The following DENND4C variants were observed in gnomAD, a reference collection of about 807,000 sequenced individuals.
The protein encoded by DENND4C is DENN domain containing 4C.
Under a neutral mutation model 203.0 loss-of-function variants are expected in DENND4C, and 108 were observed. The ratio of observed to expected loss-of-function variants is 0.53; its 90% CI spans 0.46 to 0.62. The LOEUF is 0.62. Ranked by LOEUF, DENND4C falls within the 20% of genes least tolerant of loss-of-function variation. DENND4C has a pLI of 0.00. For missense variants in DENND4C, 2,481 were observed against 2,301.2 expected (o/e 1.08, Z -1.60); for synonymous variants, 871 against 792.4 (o/e 1.10, Z -1.67).
At chr9:19,277,536 TTATTAGTTC>T (rs2130930834) in intron 2 of DENND4C, among the ~76,000 whole-genome samples, 1 of 152,322 alleles carries the variant, frequency 6.6e-6, no homozygotes, top group South Asian at 2.1e-4. Context: ...TTTGCCGAAT[TTATTAGTTC>T]TAATAACTTG....
At chr9:19,292,807 A>G (rs779106205) in intron 5 of DENND4C, among the ~76,000 whole-genome samples, 23 of 152,176 alleles carry the variant, frequency 1.5e-4, no homozygotes, top group Non-Finnish European at 1.0e-4. Context: ...CAGCCTCCCA[A>G]AATGCTGGGA....
chr9:19,280,639 G>A (rs1833861110), intron 2 of DENND4C, among the ~76,000 whole-genome samples: 1 of 151,934 alleles, frequency 6.6e-6, no homozygotes, highest in African/African-American at 2.4e-5. Context: ...TAGTTGAAGG[G>A]AAACCAGCCA....
intron 30 of DENND4C, among the ~76,000 whole-genome samples, chr9:19,362,567 A>G (rs1442433765): frequency 6.6e-6 from 1 of 152,188 alleles, no homozygotes; most frequent in Non-Finnish European, 1.5e-5. Flanking sequence ...ACACACACAC[A>G]AATGAAAAAG....
At chr9:19,309,946 A>G (rs1440837287) in intron 10 of DENND4C, among the ~76,000 whole-genome samples, 2 of 152,158 alleles carry the variant, frequency 1.3e-5, no homozygotes, top group Admixed American at 6.5e-5. Flanking sequence ...ATTTCACTTC[A>G]TTGGTCTTTT....
At chr9:19,306,266 G>T (rs1193572874) in intron 10 of DENND4C, among the ~76,000 whole-genome samples, 1 of 152,084 alleles carries the variant, frequency 6.6e-6, no homozygotes, top group African/African-American at 2.4e-5. Context: ...GAAATATTTT[G>T]GGTAAGGCCT....
At chr9:19,369,694 G>T in intron 30 of DENND4C, 143 bp from the exon 31 acceptor site, 1 of 377,280 alleles carries the variant, frequency 2.7e-6, no homozygotes, top group Non-Finnish European at 4.3e-6. Context: ...TTGAGCCTGG[G>T]AGACGAAGGT....
chr9:19,262,446 A>ATTTTTTTTTTTT (rs2037796224), intron 1 of DENND4C, among the ~76,000 whole-genome samples: 2 of 122,582 alleles, frequency 1.6e-5, no homozygotes, highest in African/African-American at 6.7e-5. Context: ...AATATATCAT[A>ATTTTTTTTTTTT]TCTTTTTTTT....
intron 1 of DENND4C, among the ~76,000 whole-genome samples, chr9:19,265,058 C>G (rs570863633): frequency 1.3e-5 from 2 of 152,234 alleles, no homozygotes; most frequent in Non-Finnish European, 2.9e-5. Flanking sequence ...CTCTGTCACC[C>G]AGGCAGGAGT....
chr9:19,290,906 T>C (rs1836161839), intron 5 of DENND4C, 30 bp downstream of exon 5: 1 of 1,586,550 alleles, frequency 6.3e-7, no homozygotes, highest in Non-Finnish European at 8.6e-7. Flanking sequence ...ATTAAACACA[T>C]TTTGTCCATG....
At chr9:19,366,446 AC>A (rs1255758193) in intron 30 of DENND4C, among the ~76,000 whole-genome samples, 1 of 152,150 alleles carries the variant, frequency 6.6e-6, no homozygotes, top group African/African-American at 2.4e-5. Flanking sequence ...CTAAAAAAAT[AC>A]AAAAAAATTA....
intron 30 of DENND4C, among the ~76,000 whole-genome samples, chr9:19,367,539 C>T (rs1165949762): frequency 6.6e-6 from 1 of 152,220 alleles, no homozygotes; most frequent in African/African-American, 2.4e-5. Flanking sequence ...AGTTCGAGAC[C>T]AACCTGGCCA....
chr9:19,246,390 CTATG>C (rs1398593186), intron 1 of DENND4C, among the ~76,000 whole-genome samples: 2 of 152,110 alleles, frequency 1.3e-5, no homozygotes, highest in Non-Finnish European at 2.9e-5. Context: ...GCTAAGAAGA[CTATG>C]TAATCTCTTT....
intron 1 of DENND4C, among the ~76,000 whole-genome samples, chr9:19,268,856 G>C (rs938210694): frequency 4.6e-5 from 7 of 152,028 alleles, no homozygotes; most frequent in Non-Finnish European, 8.8e-5. Context: ...GCTGCTTTTA[G>C]AATCCTTTCT....
chr9:19,318,854 A>G (rs550197460), intron 12 of DENND4C, among the ~76,000 whole-genome samples: 22 of 152,288 alleles, frequency 1.4e-4, no homozygotes, highest in Admixed American at 2.6e-4. Flanking sequence ...ATTCCGAGGT[A>G]CTAGGGGCTA....
chr9:19,345,833 ACATT>A (rs1177986153), intron 22 of DENND4C, 84 bp from the exon 23 acceptor site: 1 of 1,213,710 alleles, frequency 8.2e-7, no homozygotes, highest in African/African-American at 1.5e-5. Flanking sequence ...AGTATATGTC[ACATT>A]CATAATCAGG....
chr9:19,326,828 G>T (rs1423815126), intron 15 of DENND4C, among the ~76,000 whole-genome samples: 1 of 152,000 alleles, frequency 6.6e-6, no homozygotes, highest in Non-Finnish European at 1.5e-5. Flanking sequence ...TTTGCCTTTA[G>T]TGGTCTGAAC....
Position 19,335,041 on chromosome 9 carries a change from T to A in DENND4C, c.2525T>A (p.Val842Asp). 1 of 1,612,438 alleles carries A rather than the reference T, an allele frequency of 6.2e-7. No individual in the cohort carries two copies. Among genetic ancestry groups the A allele is most frequent in the Non-Finnish European group, 8.5e-7 (1 of 1,179,338 alleles). The change falls in exon 18 of 33, where the codon GTC (valine) becomes GAC (aspartate). Residue 842 changes from valine (V) to aspartate (D), a missense_variant. Around this residue, in one of 3 missense-constraint regions of DENND4C, gnomAD observed 2,289 missense variants for 2,113.3 expected, o/e 1.08. Coordinates refer to ENST00000434457, the MANE Select transcript of DENND4C (RefSeq NM_001330640.2). ...LWGHPVLAVR[V>D]LFEMKTARIK... Reference sequence around the variant, plus strand: ...GGTCATCCTGTTTTAGCAGTGAGAGTCTTATTTGAAATGAAAACTGCTAGG... The same window carrying A: ...GGTCATCCTGTTTTAGCAGTGAGAGACTTATTTGAAATGAAAACTGCTAGG...
chr9:19,299,137 C>T, intron 7 of DENND4C, 92 bp from the exon 8 acceptor site: 2 of 882,056 alleles, frequency 2.3e-6, no homozygotes, highest in Non-Finnish European at 1.7e-6. Flanking sequence ...TACCTTTGAT[C>T]TAAATATATA....
rs1588844998 is a variant in DENND4C, at chr9:19,286,828, C to A, written c.365C>A (p.Pro122His). The change falls in exon 3 of 33, where the codon CCC becomes CAC. Residue 122 changes from proline (P) to histidine (H), a missense_variant. Pro to His is a moderately conservative substitution (Grantham distance 77). Transcript: ENST00000434457. ...IPGCEVILAT[P>H]YGRCANVNNS... ...GGATGTGAAGTGATCCTAGCCACACCCTATGGTCGCTGTGCCAATGTCAAC... is the reference window on the plus strand; with the variant it reads ...GGATGTGAAGTGATCCTAGCCACACACTATGGTCGCTGTGCCAATGTCAAC... 1 of 1,232,068 alleles carries A rather than the reference C, an allele frequency of 8.1e-7. No homozygotes were observed. The allele number at this position is 1,232,068 out of a possible 1,614,324, so 76.3% of individuals were successfully genotyped here.
Sources: gnomAD v4.1 joint callset for allele counts (sites outside exome capture counted in the v4.1 genomes callset) on GRCh38, gnomAD v4.1.1 for gene constraint, gnomAD v4.1.1 regional missense constraint, MANE v1.5 for transcripts, NCBI Gene and HGNC (gene_info 2026-07-23, HGNC 2026-07-21) for gene names.